Variants in CORO2B observed in about 807,000 individuals in gnomAD.
CORO2B encodes coronin 2B.
Under a neutral mutation model 58.8 loss-of-function variants are expected in CORO2B, and 26 were observed. The observed-to-expected ratio is 0.44, with a 90% CI of 0.32 to 0.61. The LOEUF (loss-of-function observed/expected upper bound fraction) is 0.61, where lower values mean the gene tolerates loss of function less well. Ranked by LOEUF, CORO2B falls within the 20% of genes least tolerant of loss-of-function variation. The probability of loss-of-function intolerance (pLI) is 0.04; values close to 1 mark genes in which losing one functional copy is unlikely to be tolerated. For synonymous variants in CORO2B, 242 were observed against 253.8 expected, an observed-to-expected ratio of 0.95 and a Z score of 0.44; for missense variants, 460 against 645.1, an observed-to-expected ratio of 0.71 and a Z score of 3.11.
chr15:68,625,726 C>T (rs1566988592), intron 1 of CORO2B, among the ~76,000 whole-genome samples: 1 of 152,054 alleles, frequency 6.6e-6, no homozygotes. Flanking sequence ...CACCTCAGCA[C>T]CCCAAGTAGC....
chr15:68,564,561 C>G, the CORO2B span, among the ~76,000 whole-genome samples: 1 of 152,172 alleles, frequency 6.6e-6, no homozygotes, highest in African/African-American at 2.4e-5. Context: ...ATTGGCCTGC[C>G]TTGGCCTCCT....
intron 1 of CORO2B, among the ~76,000 whole-genome samples, chr15:68,637,030 G>A (rs1015912143): frequency 6.6e-6 from 1 of 152,224 alleles, no homozygotes; most frequent in Non-Finnish European, 1.5e-5. Flanking sequence ...ATACAGGACA[G>A]TGCAGTTTTA....
chr15:68,523,522 A>G, the CORO2B span, among the ~76,000 whole-genome samples: 7 of 152,196 alleles, frequency 4.6e-5, no homozygotes, highest in Non-Finnish European at 8.8e-5. Context: ...TGTCTCCCAG[A>G]GACCATGAAA....
At chr15:68,605,811 A>G (rs9630434) in intron 1 of CORO2B, among the ~76,000 whole-genome samples, 38,845 of 139,246 alleles carry the variant, frequency 0.28, 5,843 homozygotes, top group Middle Eastern at 0.37. Flanking sequence ...TGCAACCTCC[A>G]CCTCCCGGGT....
intron 1 of CORO2B, among the ~76,000 whole-genome samples, chr15:68,637,301 C>T (rs888150756): frequency 2.0e-5 from 3 of 152,162 alleles, no homozygotes; most frequent in African/African-American, 7.2e-5. Context: ...CTGGCGAGCC[C>T]CTCGGGACTG....
At chr15:68,544,314 G>C in the CORO2B span, among the ~76,000 whole-genome samples, 1 of 152,120 alleles carries the variant, frequency 6.6e-6, no homozygotes, top group Non-Finnish European at 1.5e-5. Flanking sequence ...TGTGTGCATG[G>C]GTGTGTGACA....
rs149967519 is a variant in CORO2B at position 68,669,085 on chromosome 15, G to A, written c.216+23725G>A. 5.8e-3 allele frequency among the ~76,000 whole-genome samples: 858 copies of A among 146,862 alleles called. 4 individuals carry two copies. The highest frequency in any genetic ancestry group is 0.02 in the African/African-American group (816 of 40,194). ...AAAGAGAGAAAGAGAGAGAGAGAGA[G>A]AGAAAGAAGGAAGGAAGGAAGGAAG... On this transcript the variant is annotated intron_variant, in intron 2 of 11. Coordinates refer to ENST00000261861, the MANE Select transcript of CORO2B (RefSeq NM_006091.5).
chr15:68,583,826 G>A (rs1162085904), intron 1 of CORO2B, among the ~76,000 whole-genome samples: 3 of 152,198 alleles, frequency 2.0e-5, no homozygotes, highest in Non-Finnish European at 2.9e-5. Flanking sequence ...GGAAGCCTTG[G>A]TGAAGAGGAA....
the CORO2B span, among the ~76,000 whole-genome samples, chr15:68,541,452 G>A: frequency 2.6e-5 from 4 of 152,298 alleles, no homozygotes; most frequent in East Asian, 5.8e-4. Context: ...CTTTAGAGTA[G>A]TTTGGATGGA....
At chr15:68,601,003 G>A (rs1033846354) in intron 1 of CORO2B, among the ~76,000 whole-genome samples, 5 of 152,210 alleles carry the variant, frequency 3.3e-5, no homozygotes, top group Non-Finnish European at 7.3e-5. Flanking sequence ...TTAATTAAAA[G>A]GGAGAGGACA....
chr15:68,624,761 C>T (rs919117057), intron 1 of CORO2B, among the ~76,000 whole-genome samples: 4 of 151,892 alleles, frequency 2.6e-5, no homozygotes, highest in Non-Finnish European at 5.9e-5. Flanking sequence ...GGCATGATCT[C>T]GGCTCACTGC....
intron 2 of CORO2B, among the ~76,000 whole-genome samples, chr15:68,666,477 C>A (rs1275285120): frequency 1.3e-5 from 2 of 152,196 alleles, no homozygotes; most frequent in Non-Finnish European, 2.9e-5. Flanking sequence ...GAGTGGCCTT[C>A]CAGGACACCA....
chr15:68,579,304 G>A (rs1388985482), intron 1 of CORO2B, 27 bp downstream of exon 1: 2 of 1,281,802 alleles, frequency 1.6e-6, no homozygotes, highest in Admixed American at 6.7e-5. Flanking sequence ...CGCCGCGCCC[G>A]GGACCCGCCG....
intron 1 of CORO2B, among the ~76,000 whole-genome samples, chr15:68,633,514 TAC>T (rs147873341): frequency 0.042 from 5,987 of 143,900 alleles, 182 homozygotes; most frequent in African/African-American, 0.086. Flanking sequence ...TACTCCAACA[TAC>T]ACACACACAC....
chr15:68,661,777 C>T (rs534507690), intron 2 of CORO2B, among the ~76,000 whole-genome samples: 6 of 152,176 alleles, frequency 3.9e-5, no homozygotes, highest in African/African-American at 1.4e-4. Flanking sequence ...GAGGCCGAGG[C>T]AAGTGGATCT....
intron 1 of CORO2B, among the ~76,000 whole-genome samples, chr15:68,635,701 G>A (rs1454964000): frequency 6.6e-6 from 1 of 152,196 alleles, no homozygotes; most frequent in Non-Finnish European, 1.5e-5. Flanking sequence ...TGGGCCCAGA[G>A]GAGGCAGACA....
At chr15:68,576,152 CAAAAAA>C (rs3985627), upstream of CORO2B, among the ~76,000 whole-genome samples, 14 of 62,192 alleles carry the variant, frequency 2.3e-4, no homozygotes, top group East Asian at 3.3e-3. Context: ...GACTACGTCG[CAAAAAA>C]AAAAAAAAAA....
intron 1 of CORO2B, among the ~76,000 whole-genome samples, chr15:68,636,319 C>T (rs1406084090): frequency 6.6e-6 from 1 of 152,156 alleles, no homozygotes; most frequent in Non-Finnish European, 1.5e-5. Flanking sequence ...ACAGCCTTCT[C>T]CTTACATGTC....
At chr15:68,671,401 A>T (rs895252468) in intron 2 of CORO2B, among the ~76,000 whole-genome samples, 2 of 152,290 alleles carry the variant, frequency 1.3e-5, no homozygotes, top group African/African-American at 2.4e-5. Context: ...AGCCTCACCC[A>T]CATGGCTTAC....
Sources: allele counts gnomAD v4.1 joint callset (sites outside exome capture counted in the v4.1 genomes callset), GRCh38; gene constraint gnomAD v4.1.1; transcripts MANE v1.5; gene names NCBI Gene and HGNC (gene_info 2026-07-23, HGNC 2026-07-21).